The following DNM3 variants were observed in gnomAD, a reference collection of about 807,000 sequenced individuals.
DNM3 encodes dynamin-3.
A neutral mutation model predicts 101.6 loss-of-function variants in DNM3; 47 were observed. That is an observed-to-expected ratio of 0.46 (90% confidence interval 0.37 to 0.59). The LOEUF (loss-of-function observed/expected upper bound fraction) is 0.59, where lower values mean the gene tolerates loss of function less well. Among genes scored for constraint, DNM3 ranks in the 20% least tolerant of loss-of-function variants. The pLI, the probability that DNM3 is intolerant of heterozygous loss-of-function variation, is 0.00. For synonymous variants in DNM3, 385 were observed against 387.9 expected (o/e 0.99, Z 0.09); for missense variants, 849 against 1,085.7 (o/e 0.78, Z 3.06).
At chr1:172,130,687 C>T (rs1183540982) in intron 13 of DNM3, among the ~76,000 whole-genome samples, 2 of 152,114 alleles carry the variant, frequency 1.3e-5, no homozygotes, top group Non-Finnish European at 2.9e-5. Flanking sequence ...TAACAAGGGG[C>T]TAACTGATTG....
chr1:171,987,191 A>G (rs1571965444), intron 2 of DNM3: 1 of 480,866 alleles, frequency 2.1e-6, no homozygotes, highest in Non-Finnish European at 2.7e-6. Context: ...TTTATTTTTA[A>G]CAAATTAAAT....
chr1:172,274,622 G>C (rs995025602), intron 15 of DNM3, among the ~76,000 whole-genome samples: 1 of 151,736 alleles, frequency 6.6e-6, no homozygotes, highest in Non-Finnish European at 1.5e-5. Flanking sequence ...TGTATGCCAA[G>C]GGTTATTTGC....
intron 4 of DNM3, among the ~76,000 whole-genome samples, chr1:171,997,460 A>T (rs549445145): frequency 6.6e-6 from 1 of 152,240 alleles, no homozygotes; most frequent in South Asian, 2.1e-4. Context: ...ATGGATTTAG[A>T]GTAAAGGAGC....
chr1:172,039,987 G>T (rs2049254257), intron 7 of DNM3, among the ~76,000 whole-genome samples: 1 of 152,148 alleles, frequency 6.6e-6, no homozygotes, highest in Admixed American at 6.6e-5. Context: ...AGGGAGCCCG[G>T]ATGAGGAAGC....
intron 14 of DNM3, among the ~76,000 whole-genome samples, chr1:172,232,052 A>C (rs1198725092): frequency 6.6e-6 from 1 of 152,200 alleles, no homozygotes; most frequent in Non-Finnish European, 1.5e-5. Flanking sequence ...TTAACCTTAA[A>C]TGTAAATGGG....
chr1:171,943,972 G>A (rs893712096), intron 2 of DNM3, among the ~76,000 whole-genome samples: 1 of 152,068 alleles, frequency 6.6e-6, no homozygotes, highest in African/African-American at 2.4e-5. Flanking sequence ...ATTCAATAAA[G>A]TATATTTTAA....
chr1:172,079,195 T>C (rs1572413106), intron 11 of DNM3, among the ~76,000 whole-genome samples: 1 of 152,222 alleles, frequency 6.6e-6, no homozygotes, highest in South Asian at 2.1e-4. Context: ...TTCTCCTGGA[T>C]AATATCCTGA....
chr1:171,966,256 A>C (rs1420610037), intron 2 of DNM3, among the ~76,000 whole-genome samples: 1 of 152,192 alleles, frequency 6.6e-6, no homozygotes, highest in Non-Finnish European at 1.5e-5. Context: ...CTACTCCCAC[A>C]GGCTTGAGCT....
rs1006986950 is a variant in DNM3, at chr1:172,380,927, T to C, written c.2058+1745T>C. 7 of 144,450 alleles carry C rather than the reference T, an allele frequency of 4.8e-5. No individual in the cohort carries two copies. The Admixed American group carries it at 4.9e-4, about 10-fold the overall frequency. The allele number at this position is 144,450 out of a possible 1,614,324, so 8.9% of individuals were successfully genotyped here. On this transcript the variant is annotated intron_variant, in intron 18 of 20. Transcript: ENST00000627582. Reference sequence around the variant, plus strand: ...TATATTAAATCATCAGCACAGGAAATAGCACTTCCTGCCTATAGCTGTGAG... The same window carrying C: ...TATATTAAATCATCAGCACAGGAAACAGCACTTCCTGCCTATAGCTGTGAG...
At chr1:171,990,052 A>G (rs552749559) in intron 4 of DNM3, among the ~76,000 whole-genome samples, 3 of 152,278 alleles carry the variant, frequency 2.0e-5, no homozygotes, top group South Asian at 2.1e-4. Context: ...TAGAGGTTCC[A>G]AAAGCATATT....
At chr1:172,251,712 A>G (rs984571670) in intron 14 of DNM3, among the ~76,000 whole-genome samples, 4 of 152,178 alleles carry the variant, frequency 2.6e-5, no homozygotes, top group Non-Finnish European at 5.9e-5. Flanking sequence ...ATTGTGTTCC[A>G]TCTTTACAAT....
intron 15 of DNM3, among the ~76,000 whole-genome samples, chr1:172,259,368 T>C (rs12081349): frequency 0.012 from 1,861 of 152,208 alleles, 34 homozygotes; most frequent in African/African-American, 0.042. Flanking sequence ...ACTATTCCTG[T>C]ATTAGAGTCT....
intron 15 of DNM3, among the ~76,000 whole-genome samples, chr1:172,271,594 T>A (rs1284802669): frequency 2.0e-5 from 3 of 152,120 alleles, no homozygotes; most frequent in Non-Finnish European, 4.4e-5. Flanking sequence ...GAAGAGTATT[T>A]TAATAGCCTT....
chr1:172,217,724 G>GTT (rs780589969), intron 14 of DNM3, among the ~76,000 whole-genome samples: 16 of 152,074 alleles, frequency 1.1e-4, no homozygotes, highest in Non-Finnish European at 2.1e-4. Context: ...ATCAACCAAA[G>GTT]TTTATTCTAT....
chr1:172,190,878 G>A (rs564911998), intron 14 of DNM3, among the ~76,000 whole-genome samples: 22 of 152,046 alleles, frequency 1.4e-4, no homozygotes, highest in Admixed American at 3.9e-4. Context: ...ATTTTTTCTC[G>A]TAAATTTGTT....
rs1454493470 is a variant in DNM3 at position 172,411,529 on chromosome 1, T to C, written c.*3688T>C. 29 of 976,964 alleles carry C rather than the reference T, an allele frequency of 3.0e-5. No homozygotes were observed. Among genetic ancestry groups the C allele is most frequent in the Middle Eastern group, 5.3e-4 (1 of 1,894 alleles). 60.5% of individuals were successfully genotyped at this position (976,964 alleles called of 1,614,324 possible). A position where few individuals can be genotyped will look rare whatever the true frequency, so the allele number is the denominator to read the frequency against. ...GATATACATAGTCATTTTTCCTCTA[T>C]GGTAGAAGTAAAAAAAAAAAAAAAG... On this transcript the variant is annotated 3_prime_UTR_variant, in exon 21 of 21. Transcript: ENST00000627582.
At chr1:172,192,948 C>T (rs1027591719) in intron 14 of DNM3, among the ~76,000 whole-genome samples, 6 of 151,348 alleles carry the variant, frequency 4.0e-5, no homozygotes, top group Non-Finnish European at 8.8e-5. Flanking sequence ...TGAGGAATCG[C>T]CACACTGACT....
intron 1 of DNM3, among the ~76,000 whole-genome samples, chr1:171,887,502 A>T (rs2036880865): frequency 1.3e-5 from 2 of 152,218 alleles, no homozygotes; most frequent in South Asian, 4.1e-4. Context: ...TGGCCTGTTT[A>T]TAAGTTCTTT....
chr1:172,289,558 G>T (rs1314061728), intron 15 of DNM3: 1 of 938,044 alleles, frequency 1.1e-6, no homozygotes, highest in Non-Finnish European at 1.3e-6. Context: ...TAACATATTT[G>T]GTTCTCCACA....
Sources: allele counts gnomAD v4.1 joint callset (sites outside exome capture counted in the v4.1 genomes callset), GRCh38; gene constraint gnomAD v4.1.1; transcripts MANE v1.5; gene names NCBI Gene and HGNC (gene_info 2026-07-23, HGNC 2026-07-21).